The following SRBD1 variants were observed in gnomAD, a reference collection of about 807,000 sequenced individuals.
The protein encoded by SRBD1 is S1 RNA binding domain 1, also known as S1 RNA-binding domain-containing protein 1.
Under a neutral mutation model 115.3 loss-of-function variants are expected in SRBD1, and 88 were observed. That is an observed-to-expected ratio of 0.76 (90% CI 0.64 to 0.91). The LOEUF is 0.91. Among genes scored for constraint, SRBD1 ranks in the 40% least tolerant of loss-of-function variants. The probability of loss-of-function intolerance (pLI) is 0.00; values close to 1 mark genes in which losing one functional copy is unlikely to be tolerated. For synonymous variants in SRBD1, 509 were observed against 407.7 expected, an observed-to-expected ratio of 1.25 and a Z score of -2.99; for missense variants, 1,385 against 1,177.4, an observed-to-expected ratio of 1.18 and a Z score of -2.58.
At chr2:45,572,139 G>A (rs761105878) in intron 9 of SRBD1, among the ~76,000 whole-genome samples, 25 of 152,054 alleles carry the variant, frequency 1.6e-4, no homozygotes, top group Non-Finnish European at 2.1e-4. Context: ...AGAGAGAAGA[G>A]ACTTGTCATG....
At chr2:45,511,125 A>G (rs1670954183) in intron 14 of SRBD1, among the ~76,000 whole-genome samples, 1 of 152,250 alleles carries the variant, frequency 6.6e-6, no homozygotes, top group South Asian at 2.1e-4. Flanking sequence ...ACTGAATTGC[A>G]GGCTGTACAA....
At chr2:45,542,966 A>G (rs1041815847) in intron 14 of SRBD1, among the ~76,000 whole-genome samples, 2 of 152,256 alleles carry the variant, frequency 1.3e-5, no homozygotes, top group African/African-American at 4.8e-5. Context: ...GTATGATTTC[A>G]TTATGTATAA....
intron 9 of SRBD1, among the ~76,000 whole-genome samples, chr2:45,572,206 C>T (rs1332127231): frequency 6.6e-6 from 1 of 151,904 alleles, no homozygotes; most frequent in African/African-American, 2.4e-5. Context: ...GGAGGCCATA[C>T]CATAAGAGTG....
At chr2:45,441,264 A>G (rs1486825744) in intron 16 of SRBD1, among the ~76,000 whole-genome samples, 1 of 152,154 alleles carries the variant, frequency 6.6e-6, no homozygotes, top group Non-Finnish European at 1.5e-5. Context: ...CAGGCACTCC[A>G]TGTGATCTGC....
At chr2:45,547,666 C>T in intron 12 of SRBD1, 54 bp from the exon 13 acceptor site, 3 of 1,456,408 alleles carry the variant, frequency 2.1e-6, no homozygotes, top group Non-Finnish European at 1.9e-6. Context: ...AAGTGAAACA[C>T]ATGAATGATT....
intron 10 of SRBD1, among the ~76,000 whole-genome samples, chr2:45,557,410 A>G (rs10490344): frequency 0.048 from 7,269 of 152,254 alleles, 548 homozygotes; most frequent in African/African-American, 0.16. Flanking sequence ...GAAATCTTAA[A>G]TATCACCTAC....
At chr2:45,481,447 GT>G (rs1289443309) in intron 15 of SRBD1, among the ~76,000 whole-genome samples, 1 of 152,138 alleles carries the variant, frequency 6.6e-6, no homozygotes, top group African/African-American at 2.4e-5. Context: ...GAGAGGAAGA[GT>G]TATGGCCCAA....
At chr2:45,408,640 T>C (rs1667504680) in intron 19 of SRBD1, among the ~76,000 whole-genome samples, 1 of 152,220 alleles carries the variant, frequency 6.6e-6, no homozygotes, top group Non-Finnish European at 1.5e-5. Context: ...GATGACATTA[T>C]AAATCAGTGT....
chr2:45,390,761 C>G (rs1666974113), intron 20 of SRBD1, among the ~76,000 whole-genome samples: 1 of 152,168 alleles, frequency 6.6e-6, no homozygotes, highest in Non-Finnish European at 1.5e-5. Flanking sequence ...TTCCCCCAGT[C>G]CAACCATACT....
intron 19 of SRBD1, among the ~76,000 whole-genome samples, chr2:45,411,827 T>C (rs922783425): frequency 1.3e-5 from 2 of 152,154 alleles, no homozygotes; most frequent in Admixed American, 1.3e-4. Context: ...AAACATAAGA[T>C]GGGCCAGGTG....
At chr2:45,501,096 A>G (rs1670617203) in intron 14 of SRBD1, among the ~76,000 whole-genome samples, 1 of 152,140 alleles carries the variant, frequency 6.6e-6, no homozygotes, top group Non-Finnish European at 1.5e-5. Flanking sequence ...ATGAAGGGAC[A>G]CTGGATTTTA....
intron 10 of SRBD1, among the ~76,000 whole-genome samples, chr2:45,554,420 T>C (rs1672407622): frequency 6.6e-6 from 1 of 152,242 alleles, no homozygotes; most frequent in African/African-American, 2.4e-5. Context: ...CTGTATCCTT[T>C]TTTCCCCCTT....
rs71394845 is a variant in SRBD1, at chr2:45,606,157, C to CTT, written c.1-718_1-717dup. Among the ~76,000 whole-genome samples the CTT allele has an allele frequency of 3.6e-3, 417 of 116,732 alleles. 4 individuals are homozygous for CTT. The highest frequency in any genetic ancestry group is 5.1e-3 in the Non-Finnish European group (287 of 56,296). The allele number at this position is 116,732 out of a possible 152,430, so 76.6% of individuals were successfully genotyped here. A position where few individuals can be genotyped will look rare whatever the true frequency, so the allele number is the denominator to read the frequency against. On this transcript the variant is annotated intron_variant, in intron 1 of 20. Transcript: ENST00000263736. The stretch of plus-strand genomic sequence containing the variant: ...AAGACAGAAACATTTTTTTCCTATT[C>CTT]TTTTTTTTTTTTTTTTTTTGAGACA...
chr2:45,472,223 G>C (rs1669670090), intron 16 of SRBD1, among the ~76,000 whole-genome samples: 1 of 152,162 alleles, frequency 6.6e-6, no homozygotes, highest in African/African-American at 2.4e-5. Context: ...ATAAGTGAAA[G>C]AGGTCAATCA....
chr2:45,504,614 C>A (rs749146256), intron 14 of SRBD1, among the ~76,000 whole-genome samples: 5 of 152,142 alleles, frequency 3.3e-5, no homozygotes, highest in Non-Finnish European at 7.3e-5. Flanking sequence ...TCCTTTTTCA[C>A]CAATTTCCTT....
chr2:45,522,867 G>A (rs1028148578), intron 14 of SRBD1, among the ~76,000 whole-genome samples: 7 of 152,094 alleles, frequency 4.6e-5, no homozygotes, highest in African/African-American at 1.7e-4. Flanking sequence ...AACTGTTTAT[G>A]TTATCAATAA....
intron 14 of SRBD1, among the ~76,000 whole-genome samples, chr2:45,516,346 C>G (rs1671117938): frequency 6.6e-6 from 1 of 152,114 alleles, no homozygotes. Context: ...GTACCCCTGC[C>G]CCCACAAAAA....
intron 9 of SRBD1, among the ~76,000 whole-genome samples, chr2:45,571,517 C>CAAAAAAA (rs58100763): frequency 5.8e-4 from 23 of 39,404 alleles, no homozygotes; most frequent in Admixed American, 9.8e-4. Flanking sequence ...CAGACTTTAC[C>CAAAAAAA]AAAAAAAAAA....
At chr2:45,597,700 T>C (rs549669209) in intron 4 of SRBD1, among the ~76,000 whole-genome samples, 11 of 152,344 alleles carry the variant, frequency 7.2e-5, no homozygotes, top group Admixed American at 5.9e-4. Flanking sequence ...GACCACATTC[T>C]GTCCCTTTTG....
Sources: allele counts gnomAD v4.1 joint callset (sites outside exome capture counted in the v4.1 genomes callset), GRCh38; gene constraint gnomAD v4.1.1; transcripts MANE v1.5; gene names NCBI Gene and HGNC (gene_info 2026-07-23, HGNC 2026-07-21).